CNTNAP2: variants seen among roughly 807,000 people sequenced by gnomAD.
CNTNAP2 encodes the protein contactin-associated protein-like 2.
CNTNAP2 carries 98 observed loss-of-function variants against 155.2 expected under a neutral mutation model. The ratio of observed to expected loss-of-function variants is 0.63; its 90% CI spans 0.54 to 0.75. The LOEUF is 0.75. Among genes scored for constraint, CNTNAP2 ranks in the 30% least tolerant of loss-of-function variants. CNTNAP2 has a pLI of 0.00. For synonymous variants in CNTNAP2, 651 were observed against 631.2 expected, an observed-to-expected ratio of 1.03 and a Z score of -0.47; for missense variants, 1,727 against 1,688.1, an observed-to-expected ratio of 1.02 and a Z score of -0.40.
At chr7:146,418,576 G>C (rs1639505) in intron 1 of CNTNAP2, among the ~76,000 whole-genome samples, 9 of 151,896 alleles carry the variant, frequency 5.9e-5, no homozygotes, top group Admixed American at 5.2e-4. Context: ...TTCTTAAATT[G>C]GTACATAATG....
rs572611686 is a variant in CNTNAP2 at position 147,381,863 on chromosome 7, C to T, written c.1499-13746C>T. On this transcript the variant is annotated intron_variant, in intron 9 of 23. Coordinates refer to ENST00000361727, the MANE Select transcript of CNTNAP2 (RefSeq NM_014141.6). ...TATTATATGAAAATAAGATGGGAAACCCACAAATACTATTAAAAAACAGTT... is the reference window on the plus strand; with the variant it reads ...TATTATATGAAAATAAGATGGGAAATCCACAAATACTATTAAAAAACAGTT... 4.6e-5 allele frequency among the ~76,000 whole-genome samples: 7 copies of T among 151,628 alleles called. No individual in the cohort carries two copies. The South Asian group carries it at 1.5e-3, about 32-fold the overall frequency.
chr7:147,114,561 G>A (rs374299407), intron 5 of CNTNAP2, among the ~76,000 whole-genome samples: 11 of 152,236 alleles, frequency 7.2e-5, no homozygotes, highest in South Asian at 4.1e-4. Flanking sequence ...TTACCATTAG[G>A]TAATGCCCTT....
chr7:146,817,471 A>C (rs907065709), intron 2 of CNTNAP2, among the ~76,000 whole-genome samples: 2 of 113,980 alleles, frequency 1.8e-5, no homozygotes, highest in African/African-American at 6.8e-5. Flanking sequence ...AAACTCCATC[A>C]AAAAAAAAAA....
chr7:147,139,515 C>G (rs937725497), intron 8 of CNTNAP2, among the ~76,000 whole-genome samples: 5 of 152,084 alleles, frequency 3.3e-5, no homozygotes, highest in African/African-American at 1.2e-4. Flanking sequence ...CCCACTCCCC[C>G]CATTAACCTC....
At chr7:147,743,195 T>G (rs1239523306) in intron 13 of CNTNAP2, among the ~76,000 whole-genome samples, 1 of 152,174 alleles carries the variant, frequency 6.6e-6, no homozygotes, top group Non-Finnish European at 1.5e-5. Context: ...AGCTCCTCCA[T>G]TACCTGGTCA....
chr7:146,486,046 CTTTTTTTTTTTTTTT>C (rs71175651), intron 1 of CNTNAP2, among the ~76,000 whole-genome samples: 596 of 42,556 alleles, frequency 0.014, 9 homozygotes, highest in African/African-American at 0.047. Context: ...CCACAGCAGT[CTTTTTTTTTTTTTTT>C]TTTTTTTTTT....
At chr7:146,207,882 G>A (rs1399619348) in intron 1 of CNTNAP2, among the ~76,000 whole-genome samples, 2 of 151,860 alleles carry the variant, frequency 1.3e-5, no homozygotes, top group African/African-American at 4.8e-5. Flanking sequence ...AAGAGAACAA[G>A]TAACAGGAAC....
intron 8 of CNTNAP2, among the ~76,000 whole-genome samples, chr7:147,187,123 G>T (rs1003883742): frequency 1.3e-4 from 20 of 152,184 alleles, no homozygotes; most frequent in African/African-American, 4.6e-4. Context: ...ATGGGCTGGG[G>T]AGAAAGAATG....
intron 1 of CNTNAP2, among the ~76,000 whole-genome samples, chr7:146,579,185 A>G (rs899330256): frequency 6.6e-6 from 1 of 152,148 alleles, no homozygotes; most frequent in African/African-American, 2.4e-5. Flanking sequence ...GTACATAGCC[A>G]ATATCTGATT....
At chr7:148,098,554 T>G (rs551394133) in intron 15 of CNTNAP2, among the ~76,000 whole-genome samples, 1 of 144,830 alleles carries the variant, frequency 6.9e-6, no homozygotes, top group Admixed American at 7.0e-5. Context: ...TATAAGGAGG[T>G]CCTAGCTGGG....
chr7:147,458,030 A>G (rs1202030529), intron 10 of CNTNAP2, among the ~76,000 whole-genome samples: 1 of 152,156 alleles, frequency 6.6e-6, no homozygotes, highest in African/African-American at 2.4e-5. Flanking sequence ...ATGGTTTATT[A>G]TGGATTTTTC....
chr7:146,262,230 T>G (rs1799929143), intron 1 of CNTNAP2, among the ~76,000 whole-genome samples: 1 of 152,170 alleles, frequency 6.6e-6, no homozygotes, highest in Admixed American at 6.5e-5. Flanking sequence ...GAGAACAAAC[T>G]TTGTCTCTTC....
chr7:148,150,323 C>T (rs1322533521), intron 17 of CNTNAP2, among the ~76,000 whole-genome samples: 1 of 151,876 alleles, frequency 6.6e-6, no homozygotes, highest in Non-Finnish European at 1.5e-5. Context: ...CTGAGGCAGG[C>T]GGATCACGAG....
intron 21 of CNTNAP2, chr7:148,381,602 G>A (rs1401996713): frequency 1.3e-5 from 2 of 152,248 alleles, no homozygotes; most frequent in South Asian, 4.1e-4. Context: ...AGCTGAGTAT[G>A]GGGTTTTTAT....
chr7:146,715,613 A>G (rs1801173993), intron 1 of CNTNAP2, among the ~76,000 whole-genome samples: 1 of 152,194 alleles, frequency 6.6e-6, no homozygotes, highest in Non-Finnish European at 1.5e-5. Context: ...TGAGGAACAA[A>G]AGAAAATCAC....
chr7:146,317,958 G>T (rs896541307), intron 1 of CNTNAP2, among the ~76,000 whole-genome samples: 9 of 152,058 alleles, frequency 5.9e-5, no homozygotes, highest in Admixed American at 3.9e-4. Context: ...TGGCTAACAC[G>T]GTGAAACCTC....
rs140426577 is a variant in CNTNAP2, at chr7:146,300,252, G to A, written c.97+183279G>A. Among the ~76,000 whole-genome samples, 88 of 152,246 alleles carry A rather than the reference G, an allele frequency of 5.8e-4. 1 individual carries two copies. The highest frequency in any genetic ancestry group is 2.0e-3 in the African/African-American group (84 of 41,554). On this transcript the variant is annotated intron_variant, in intron 1 of 23. Coordinates refer to ENST00000361727, the MANE Select transcript of CNTNAP2 (RefSeq NM_014141.6). ...TCAGTAAAACAATAGTGAAAAAGAA[G>A]CATCACATTTAGTCCATAAATTAAA...
At chr7:146,921,400 T>TA (rs1796494423) in intron 3 of CNTNAP2, among the ~76,000 whole-genome samples, 1 of 152,142 alleles carries the variant, frequency 6.6e-6, no homozygotes, top group Admixed American at 6.5e-5. Flanking sequence ...AGCCAGAACA[T>TA]CCTTCGTTTG....
At chr7:147,453,850 G>A (rs1211310570) in intron 10 of CNTNAP2, among the ~76,000 whole-genome samples, 1 of 152,076 alleles carries the variant, frequency 6.6e-6, no homozygotes, top group South Asian at 2.1e-4. Flanking sequence ...TGGAAATAAG[G>A]CCAAATTGTG....
Sources: gnomAD v4.1 joint callset for allele counts (sites outside exome capture counted in the v4.1 genomes callset) on GRCh38, gnomAD v4.1.1 for gene constraint, MANE v1.5 for transcripts, NCBI Gene and HGNC (gene_info 2026-07-23, HGNC 2026-07-21) for gene names.